The following FAM89A variants were observed in gnomAD, a reference collection of about 807,000 sequenced individuals.
FAM89A encodes the protein family with sequence similarity 89 member A, also known as protein FAM89A.
In FAM89A, 10 loss-of-function variants were observed where a neutral mutation model predicts 7.1. That is an observed-to-expected ratio of 1.40 (90% CI 0.86 to 2.38). The LOEUF is 2.38. Among genes scored for constraint, FAM89A ranks in the 30% most tolerant of loss-of-function variants. FAM89A has a pLI of 0.00. For synonymous variants in FAM89A, 157 were observed against 129.3 expected (o/e 1.21, Z -1.45); for missense variants, 276 against 262.8 (o/e 1.05, Z -0.35).
At chr1:231,031,639 T>C (rs930206461) in intron 1 of FAM89A, among the ~76,000 whole-genome samples, 1 of 152,216 alleles carries the variant, frequency 6.6e-6, no homozygotes, top group Non-Finnish European at 1.5e-5. Flanking sequence ...ACTTTGAAAC[T>C]GTGGTTCTTC....
At chr1:231,021,522 C>A in intron 1 of FAM89A, 5 of 735,612 alleles carry the variant, frequency 6.8e-6, no homozygotes, top group Non-Finnish European at 1.2e-5. Context: ...CCAGAGGGCA[C>A]GAAAGGTTGA....
intron 1 of FAM89A, among the ~76,000 whole-genome samples, chr1:231,029,179 A>G (rs993141815): frequency 1.3e-5 from 2 of 152,142 alleles, no homozygotes; most frequent in Non-Finnish European, 2.9e-5. Context: ...AAATGTTAAG[A>G]TTTTTTTAGA....
intron 1 of FAM89A, chr1:231,022,164 A>T: frequency 9.2e-7 from 1 of 1,086,318 alleles, no homozygotes. Flanking sequence ...CACAAACAGT[A>T]CCACTCCATT....
At chr1:231,021,754 C>T (rs78166309) in intron 1 of FAM89A, 43,518 of 1,601,420 alleles carry the variant, frequency 0.027, 912 homozygotes, top group Middle Eastern at 0.09. Flanking sequence ...AAATTGTTGA[C>T]CTCACTTGTG....
intron 1 of FAM89A, among the ~76,000 whole-genome samples, chr1:231,031,081 G>T (rs1439087887): frequency 6.6e-6 from 1 of 151,902 alleles, no homozygotes. Flanking sequence ...TTGCACTCCA[G>T]CCTGGGCAAC....
At chr1:231,020,948 AAG>A (rs758354152) in intron 1 of FAM89A, among the ~76,000 whole-genome samples, 6 of 152,200 alleles carry the variant, frequency 3.9e-5, no homozygotes, top group Non-Finnish European at 8.8e-5. Flanking sequence ...ACCAATACCA[AAG>A]AGAGAACAGT....
intron 1 of FAM89A, among the ~76,000 whole-genome samples, chr1:231,031,109 C>CAATAATAATAAT (rs138693629): frequency 1.3e-5 from 2 of 150,286 alleles, no homozygotes; most frequent in African/African-American, 4.9e-5. Context: ...GACTCTGTCT[C>CAATAATAATAAT]AATAATAATA....
chr1:231,026,994 C>T (rs907170566), intron 1 of FAM89A: 2 of 152,158 alleles, frequency 1.3e-5, no homozygotes, highest in African/African-American at 4.8e-5. Flanking sequence ...TTTCTTACCC[C>T]AGGAATGAAT....
chr1:231,039,015 G>A (rs1031714420), intron 1 of FAM89A, among the ~76,000 whole-genome samples: 1 of 152,228 alleles, frequency 6.6e-6, no homozygotes, highest in Non-Finnish European at 1.5e-5. Flanking sequence ...GGTGATGGGG[G>A]CCAGTAAGAT....
At position 231,034,864 on chromosome 1, in the gene FAM89A, A is replaced by C. The variant is rs567460274; in HGVS notation, c.291+5057T>G. 1.6e-4 allele frequency among the ~76,000 whole-genome samples: 24 copies of C among 152,010 alleles called. No homozygotes were observed. In the South Asian group the frequency reaches 5.0e-3, roughly 32 times the overall value. ...GTGGCCCTAAAATCTGCATTTGGGC[A>C]AGCAGCCTAGGAGATTCTGGAGCTG... On this transcript the variant is annotated intron_variant, in intron 1 of 1. Transcript: ENST00000366654.
intron 1 of FAM89A, among the ~76,000 whole-genome samples, chr1:231,037,135 T>G (rs4310430): frequency 0.38 from 57,644 of 152,078 alleles, 10,966 homozygotes; most frequent in East Asian, 0.55. Context: ...AAATAGGGCT[T>G]TGGAGCCAAA....
At position 231,027,104 on chromosome 1, in the gene FAM89A, G is replaced by A. The variant is rs556730165; in HGVS notation, c.292-6978C>T. Among the ~76,000 whole-genome samples, 8 of 152,250 alleles carry A rather than the reference G, an allele frequency of 5.3e-5. No individual in the cohort carries two copies. The South Asian group carries it at 1.7e-3, about 32-fold the overall frequency. ...TTGAGGTCGGCCCAGGTAAACACAG[G>A]AGCCTGAACGCTTCTAGGTTTCAAA... On this transcript the variant is annotated intron_variant, in intron 1 of 1. Coordinates refer to ENST00000366654, the MANE Select transcript of FAM89A (RefSeq NM_198552.3).
rs372081051 is a variant in FAM89A, at chr1:231,020,892, G to A, written c.292-766C>T. ...CCTCCCTCCCCCACCACCCATCCCA[G>A]AGAAAAGAGCACGGTCACAGTCAGA... On this transcript the variant is annotated intron_variant, in intron 1 of 1. Coordinates refer to ENST00000366654, the MANE Select transcript of FAM89A (RefSeq NM_198552.3). Among the ~76,000 whole-genome samples, 6 of 152,108 alleles carry A rather than the reference G, an allele frequency of 3.9e-5. No individual in the cohort carries two copies. In the East Asian group the frequency reaches 1.2e-3, roughly 29 times the overall value.
intron 1 of FAM89A, among the ~76,000 whole-genome samples, chr1:231,034,548 G>A (rs147424677): frequency 1.3e-3 from 192 of 151,976 alleles, no homozygotes; most frequent in Non-Finnish European, 2.0e-3. Context: ...TGAAGCGGGC[G>A]GATCATCTGA....
At chr1:231,023,783 C>T (rs530023776) in intron 1 of FAM89A, among the ~76,000 whole-genome samples, 6 of 152,166 alleles carry the variant, frequency 3.9e-5, no homozygotes, top group Non-Finnish European at 7.3e-5. Context: ...TGATGTGTAG[C>T]GTGTCTGCCC....
chr1:231,033,499 G>T (rs1029874742), intron 1 of FAM89A, among the ~76,000 whole-genome samples: 2 of 152,150 alleles, frequency 1.3e-5, no homozygotes, highest in African/African-American at 4.8e-5. Context: ...TGCCCACCTG[G>T]CCTCAGGGGG....
At chr1:231,039,625 C>G (rs1680221322) in intron 1 of FAM89A, among the ~76,000 whole-genome samples, 1 of 152,194 alleles carries the variant, frequency 6.6e-6, no homozygotes, top group African/African-American at 2.4e-5. Context: ...CAGGCACGAA[C>G]CCCGCACAGC....
intron 1 of FAM89A, among the ~76,000 whole-genome samples, chr1:231,032,059 T>G (rs756051172): frequency 1.3e-5 from 2 of 152,206 alleles, no homozygotes; most frequent in Non-Finnish European, 2.9e-5. Context: ...ACCAATAAAG[T>G]GATTCAATTT....
intron 1 of FAM89A, among the ~76,000 whole-genome samples, chr1:231,032,165 T>C (rs1310306766): frequency 6.6e-6 from 1 of 152,268 alleles, no homozygotes; most frequent in Non-Finnish European, 1.5e-5. Context: ...ACAGTCATAC[T>C]GCAAACATTT....
Sources: allele counts gnomAD v4.1 joint callset (sites outside exome capture counted in the v4.1 genomes callset), GRCh38; gene constraint gnomAD v4.1.1; transcripts MANE v1.5; gene names NCBI Gene and HGNC (gene_info 2026-07-23, HGNC 2026-07-21).